Variants in SOX5 observed in about 807,000 individuals in gnomAD.
SOX5 encodes the protein SRY-box transcription factor 5.
Under a neutral mutation model 92.0 loss-of-function variants are expected in SOX5, and 9 were observed. The observed-to-expected ratio is 0.10, with a 90% confidence interval of 0.06 to 0.17. SOX5 has a LOEUF of 0.17. Among genes scored for constraint, SOX5 ranks in the 10% least tolerant of loss-of-function variants. SOX5 has a pLI of 1.00. For missense variants in SOX5, 642 were observed against 944.5 expected, an observed-to-expected ratio of 0.68 and a Z score of 4.20; for synonymous variants, 344 against 336.3, an observed-to-expected ratio of 1.02 and a Z score of -0.25.
At chr12:23,642,326 G>T (rs1426366154) in intron 7 of SOX5, among the ~76,000 whole-genome samples, 1 of 152,164 alleles carries the variant, frequency 6.6e-6, no homozygotes, top group Non-Finnish European at 1.5e-5. Flanking sequence ...ATAATTAAAT[G>T]ATTAGTATAA....
intron 4 of SOX5, among the ~76,000 whole-genome samples, chr12:23,995,332 A>G (rs1343949984): frequency 6.6e-6 from 1 of 152,206 alleles, no homozygotes; most frequent in Non-Finnish European, 1.5e-5. Context: ...ACAAATTAAT[A>G]AAAAGATAAC....
intron 3 of SOX5, among the ~76,000 whole-genome samples, chr12:23,835,860 A>T (rs1418132444): frequency 6.6e-6 from 1 of 151,788 alleles, no homozygotes; most frequent in Non-Finnish European, 1.5e-5. Context: ...ACTTTAAAAC[A>T]TATTTAATTA....
chr12:23,600,586 G>T (rs1487497214), intron 9 of SOX5, among the ~76,000 whole-genome samples: 1 of 114,880 alleles, frequency 8.7e-6, no homozygotes, highest in Admixed American at 9.7e-5. Context: ...AAAAACCAAG[G>T]CATTGAGAAA....
chr12:23,637,753 C>A (rs528178148), intron 8 of SOX5, among the ~76,000 whole-genome samples: 2 of 152,158 alleles, frequency 1.3e-5, no homozygotes, highest in South Asian at 4.1e-4. Flanking sequence ...CTCCTCCATC[C>A]TTAGTGTGGT....
intron 4 of SOX5, among the ~76,000 whole-genome samples, chr12:23,989,634 G>A (rs771257811): frequency 6.6e-6 from 1 of 152,108 alleles, no homozygotes; most frequent in Non-Finnish European, 1.5e-5. Flanking sequence ...ATGAGGTCAT[G>A]AAGGTGGAGC....
chr12:23,918,002 C>T (rs1004080495), intron 1 of SOX5, among the ~76,000 whole-genome samples: 2 of 152,032 alleles, frequency 1.3e-5, no homozygotes, highest in East Asian at 1.9e-4. Context: ...ATACAGTATA[C>T]GTTCCTTCAT....
intron 3 of SOX5, among the ~76,000 whole-genome samples, chr12:23,810,653 T>C (rs1466185745): frequency 2.0e-5 from 3 of 152,142 alleles, no homozygotes; most frequent in Non-Finnish European, 4.4e-5. Context: ...GAGGAGAATG[T>C]CACCTTTTTG....
intron 4 of SOX5, among the ~76,000 whole-genome samples, chr12:24,018,504 G>C (rs999758612): frequency 6.6e-6 from 1 of 152,084 alleles, no homozygotes; most frequent in African/African-American, 2.4e-5. Flanking sequence ...ATATTTATAA[G>C]AGCAGAGCTG....
chr12:24,252,071 A>G (rs1376925572), intron 3 of SOX5, among the ~76,000 whole-genome samples: 6 of 152,168 alleles, frequency 3.9e-5, no homozygotes, highest in Non-Finnish European at 7.3e-5. Flanking sequence ...AACATTACCA[A>G]ATGAACAAAT....
intron 3 of SOX5, among the ~76,000 whole-genome samples, chr12:24,252,968 T>C (rs1312254959): frequency 6.6e-6 from 1 of 152,136 alleles, no homozygotes; most frequent in Non-Finnish European, 1.5e-5. Context: ...GAGCACACAA[T>C]GGGCACAGTG....
chr12:24,492,544 T>C (rs1027356591), intron 1 of SOX5, among the ~76,000 whole-genome samples: 11 of 152,166 alleles, frequency 7.2e-5, no homozygotes, highest in African/African-American at 2.7e-4. Flanking sequence ...AATCATTTCA[T>C]AGACTTCACT....
Position 24,393,239 on chromosome 12 carries a change from T to C in SOX5, c.-250-24600A>G, listed in dbSNP as rs1959172300. On this transcript the variant is annotated intron_variant, in intron 1 of 4. Transcript: ENST00000446891. This position sits in a 1 kb window ranked among gnomAD's most constrained non-coding sequence, Gnocchi z 5.0. ...ATGACAGCTAGCAGACAAATCCTGTTCCCCATTCTAAATTCTGTCTACTAA... is the reference window on the plus strand; with the variant it reads ...ATGACAGCTAGCAGACAAATCCTGTCCCCCATTCTAAATTCTGTCTACTAA... Among the ~76,000 whole-genome samples the C allele has an allele frequency of 6.6e-6, 1 of 152,176 alleles. No individual in the cohort carries two copies.
intron 4 of SOX5, among the ~76,000 whole-genome samples, chr12:24,068,747 T>TACACAC (rs147957201): frequency 2.1e-4 from 15 of 71,570 alleles, no homozygotes; most frequent in South Asian, 6.1e-4. Context: ...TATATATATA[T>TACACAC]ACACACACAC....
At chr12:23,775,888 G>T (rs1198536319) in intron 3 of SOX5, among the ~76,000 whole-genome samples, 2 of 152,066 alleles carry the variant, frequency 1.3e-5, no homozygotes, top group South Asian at 2.1e-4. Flanking sequence ...TAACGCCACG[G>T]TCTCCAACCT....
At chr12:24,075,731 C>A (rs1350607606) in intron 4 of SOX5, among the ~76,000 whole-genome samples, 2 of 152,074 alleles carry the variant, frequency 1.3e-5, no homozygotes, top group Non-Finnish European at 2.9e-5. Context: ...TGAGAGTAAT[C>A]ACTGAATCTC....
chr12:24,474,727 C>T (rs545248888), intron 1 of SOX5, among the ~76,000 whole-genome samples: 6 of 151,072 alleles, frequency 4.0e-5, no homozygotes, highest in South Asian at 4.2e-4. Flanking sequence ...GTAGAGACGG[C>T]GTTTTACCAT....
intron 2 of SOX5, among the ~76,000 whole-genome samples, chr12:24,307,952 C>T (rs189256743): frequency 9.3e-4 from 141 of 151,956 alleles, no homozygotes; most frequent in Middle Eastern, 3.4e-3. Context: ...GTGATGGTCA[C>T]GCAATTGTTA....
At chr12:23,926,967 C>T (rs1940133363) in intron 1 of SOX5, among the ~76,000 whole-genome samples, 1 of 152,010 alleles carries the variant, frequency 6.6e-6, no homozygotes. Context: ...GAAAGGACCT[C>T]ACAATTCTTA....
At chr12:24,330,254 C>T (rs1373427941) in intron 2 of SOX5, among the ~76,000 whole-genome samples, 1 of 152,002 alleles carries the variant, frequency 6.6e-6, no homozygotes, top group Non-Finnish European at 1.5e-5. Flanking sequence ...GTTAAATTCC[C>T]TGTTGAGGGA....
Sources: allele counts gnomAD v4.1 joint callset (sites outside exome capture counted in the v4.1 genomes callset), GRCh38; gene constraint gnomAD v4.1.1; non-coding constraint Gnocchi (gnomAD v3.1); transcripts MANE v1.5; gene names NCBI Gene and HGNC (gene_info 2026-07-23, HGNC 2026-07-21).